The following PDZRN4 variants were observed in gnomAD, a reference collection of about 807,000 sequenced individuals.
PDZRN4 encodes PDZ domain-containing RING finger protein 4.
A neutral mutation model predicts 99.0 loss-of-function variants in PDZRN4; 70 were observed. The observed-to-expected ratio is 0.71, with a 90% CI of 0.58 to 0.86. PDZRN4 has a LOEUF of 0.86. Ranked by LOEUF, PDZRN4 falls within the 40% of genes least tolerant of loss-of-function variation. PDZRN4 has a pLI of 0.00. For synonymous variants in PDZRN4, 551 were observed against 501.6 expected (o/e 1.10, Z -1.32); for missense variants, 1,474 against 1,331.2 (o/e 1.11, Z -1.67).
intron 3 of PDZRN4, among the ~76,000 whole-genome samples, chr12:41,372,072 T>C (rs559593544): frequency 1.3e-5 from 2 of 152,276 alleles, no homozygotes; most frequent in East Asian, 3.9e-4. Flanking sequence ...ATTGATAGTC[T>C]TTTAAAAAAT....
intron 5 of PDZRN4, among the ~76,000 whole-genome samples, chr12:41,529,503 A>G (rs768733977): frequency 3.3e-5 from 5 of 152,212 alleles, no homozygotes; most frequent in Admixed American, 6.5e-5. Flanking sequence ...TCAGACACAC[A>G]CATTTATGCA....
intron 5 of PDZRN4, among the ~76,000 whole-genome samples, chr12:41,539,427 C>A (rs1042306585): frequency 6.6e-6 from 1 of 151,826 alleles, no homozygotes; most frequent in African/African-American, 2.4e-5. Context: ...TAAAATATTA[C>A]CTTACCTAAC....
chr12:41,437,240 G>C (rs1952637890), intron 3 of PDZRN4, among the ~76,000 whole-genome samples: 2 of 151,878 alleles, frequency 1.3e-5, no homozygotes, highest in Admixed American at 6.6e-5. Context: ...CCTTTTCCAT[G>C]TCACCCCCCC....
intron 3 of PDZRN4, among the ~76,000 whole-genome samples, chr12:41,261,166 C>G (rs1301731667): frequency 1.7e-4 from 26 of 151,884 alleles, no homozygotes; most frequent in Admixed American, 1.7e-3. Flanking sequence ...TCAGGAATTC[C>G]CTAGAGTTTC....
intron 5 of PDZRN4, among the ~76,000 whole-genome samples, chr12:41,542,612 T>G (rs1938876945): frequency 6.6e-6 from 1 of 152,136 alleles, no homozygotes; most frequent in Non-Finnish European, 1.5e-5. Context: ...CGGAATGACT[T>G]GATTGAAGAA....
At chr12:41,387,665 CAT>C (rs1237169066) in intron 3 of PDZRN4, among the ~76,000 whole-genome samples, 4 of 152,088 alleles carry the variant, frequency 2.6e-5, no homozygotes, top group African/African-American at 9.7e-5. Flanking sequence ...GGCCAACAAT[CAT>C]ATGAAAAAAA....
chr12:41,556,543 T>C (rs1939167686), intron 7 of PDZRN4, among the ~76,000 whole-genome samples: 1 of 152,242 alleles, frequency 6.6e-6, no homozygotes. Context: ...AAGCATGGTA[T>C]TATAATCTTA....
intron 3 of PDZRN4, among the ~76,000 whole-genome samples, chr12:41,234,015 T>C (rs1003912917): frequency 1.3e-5 from 2 of 151,964 alleles, no homozygotes; most frequent in African/African-American, 4.8e-5. Flanking sequence ...TTGGCCCCCG[T>C]CAGAAAGCAA....
Position 41,572,957 on chromosome 12 carries a change from G to A in PDZRN4, c.2178G>A (p.Glu726=), listed in dbSNP as rs141535438. The A allele has an allele frequency of 2.5e-6, 4 of 1,613,970 alleles. No individual in the cohort carries two copies. In the African/African-American group the frequency reaches 4.0e-5, roughly 16 times the overall value. The change falls in exon 10 of 10, where the codon GAG becomes GAA. Residue 726 remains glutamate (E), a synonymous_variant. Coordinates refer to ENST00000402685, the MANE Select transcript of PDZRN4 (RefSeq NM_001164595.2). ...GGGGAAAGCTAGATGACATCATGGA[G>A]CATCCAGAAAAGTCTGACAAGGACA... ...MQRGKLDDIM[E]HPEKSDKDSS... is the part of the protein sequence containing the mutation.
intron 3 of PDZRN4, among the ~76,000 whole-genome samples, chr12:41,199,047 G>T (rs1950797492): frequency 6.6e-6 from 1 of 152,098 alleles, no homozygotes; most frequent in Non-Finnish European, 1.5e-5. Flanking sequence ...AAAATTAATT[G>T]CAGTTCAGAG....
intron 3 of PDZRN4, among the ~76,000 whole-genome samples, chr12:41,252,204 T>C (rs1041529358): frequency 1.8e-4 from 28 of 152,342 alleles, no homozygotes; most frequent in African/African-American, 6.7e-4. Flanking sequence ...AAATACTTTA[T>C]GGTATGATCA....
chr12:41,536,243 A>G (rs1407102223), intron 5 of PDZRN4, among the ~76,000 whole-genome samples: 1 of 152,248 alleles, frequency 6.6e-6, no homozygotes, highest in African/African-American at 2.4e-5. Context: ...ACAATGGAAT[A>G]TCATTCAGTG....
chr12:41,569,339 C>T (rs377121017), intron 9 of PDZRN4, among the ~76,000 whole-genome samples: 149 of 152,114 alleles, frequency 9.8e-4, no homozygotes, highest in Non-Finnish European at 1.9e-3. Context: ...AGGCTGTTCT[C>T]GAACTCCTGA....
At chr12:41,446,711 G>T (rs1053001909) in intron 3 of PDZRN4, among the ~76,000 whole-genome samples, 3 of 151,970 alleles carry the variant, frequency 2.0e-5, no homozygotes, top group African/African-American at 2.4e-5. Flanking sequence ...AGAAGAAAGT[G>T]TGGAAAGGTA....
At chr12:41,463,400 T>C (rs2120541301) in intron 3 of PDZRN4, among the ~76,000 whole-genome samples, 1 of 152,310 alleles carries the variant, frequency 6.6e-6, no homozygotes, top group East Asian at 1.9e-4. Flanking sequence ...TTCTTCATAC[T>C]CTGGATTAGA....
rs961711000 is a variant in PDZRN4, at chr12:41,188,475, G to T, written c.20G>T (p.Arg7Leu). The T allele has an allele frequency of 6.9e-6, 11 of 1,591,236 alleles. No homozygotes were observed. Among genetic ancestry groups the T allele is most frequent in the Non-Finnish European group, 9.4e-6 (11 of 1,176,460 alleles). MGFALE[R>L]FAEAVDPALE... is the part of the protein sequence containing the mutation. ...CCTAACATGGGCTTTGCCCTGGAGC[G>T]CTTCGCAGAAGCCGTGGACCCGGCT... The change falls in exon 1 of 10, where the codon CGC (arginine) becomes CTC (leucine). Residue 7 changes from arginine (R) to leucine (L), a missense_variant. Transcript: ENST00000402685.
chr12:41,347,955 G>T (rs931725073), intron 3 of PDZRN4, among the ~76,000 whole-genome samples: 1 of 151,916 alleles, frequency 6.6e-6, no homozygotes, highest in Admixed American at 6.6e-5. Context: ...TGCCCCTGAG[G>T]GATTTTGCCT....
chr12:41,542,700 A>G (rs1009930860), intron 5 of PDZRN4, among the ~76,000 whole-genome samples: 2 of 152,228 alleles, frequency 1.3e-5, no homozygotes, highest in African/African-American at 4.8e-5. Context: ...CAGCTCTGCC[A>G]CTAAATTGTC....
chr12:41,443,176 G>C (rs960874105), intron 3 of PDZRN4, among the ~76,000 whole-genome samples: 1 of 152,064 alleles, frequency 6.6e-6, no homozygotes, highest in Non-Finnish European at 1.5e-5. Flanking sequence ...CATAAGAGAG[G>C]CATAAACAGA....
Sources: allele counts gnomAD v4.1 joint callset (sites outside exome capture counted in the v4.1 genomes callset), GRCh38; gene constraint gnomAD v4.1.1; transcripts MANE v1.5; gene names NCBI Gene and HGNC (gene_info 2026-07-23, HGNC 2026-07-21).